CNTN5: variants seen among roughly 807,000 people sequenced by gnomAD.
CNTN5 encodes the protein contactin 5.
CNTN5 carries 77 observed loss-of-function variants against 129.1 expected under a neutral mutation model. The ratio of observed to expected loss-of-function variants is 0.60; its 90% CI spans 0.50 to 0.72. CNTN5 has a LOEUF of 0.72. Ranked by LOEUF, CNTN5 falls within the 30% of genes least tolerant of loss-of-function variation. CNTN5 has a pLI of 0.00. For missense variants in CNTN5, 1,478 were observed against 1,328.8 expected (o/e 1.11, Z -1.75); for synonymous variants, 509 against 465.6 (o/e 1.09, Z -1.20).
intron 3 of CNTN5, among the ~76,000 whole-genome samples, chr11:99,576,255 C>T (rs1219520728): frequency 6.6e-6 from 1 of 152,046 alleles, no homozygotes; most frequent in African/African-American, 2.4e-5. Context: ...GTCTTAATTG[C>T]CAAAACAAGC....
At chr11:100,290,177 C>A (rs551798702) in intron 18 of CNTN5, among the ~76,000 whole-genome samples, 1 of 151,848 alleles carries the variant, frequency 6.6e-6, no homozygotes, top group Admixed American at 6.6e-5. Context: ...AATGGCCATA[C>A]TGCCCAAGGT....
At chr11:99,266,771 G>C (rs1455188591) in intron 1 of CNTN5, among the ~76,000 whole-genome samples, 1 of 151,972 alleles carries the variant, frequency 6.6e-6, no homozygotes, top group Non-Finnish European at 1.5e-5. Flanking sequence ...TTTTAGTATG[G>C]GGGGAGGTGC....
intron 3 of CNTN5, among the ~76,000 whole-genome samples, chr11:99,677,450 C>T (rs1206423208): frequency 6.6e-6 from 1 of 152,092 alleles, no homozygotes; most frequent in Non-Finnish European, 1.5e-5. Context: ...GATTTCTGAA[C>T]CAGCCGGTCA....
intron 3 of CNTN5, among the ~76,000 whole-genome samples, chr11:99,723,564 A>G (rs906048653): frequency 6.6e-6 from 1 of 152,026 alleles, no homozygotes; most frequent in Admixed American, 6.6e-5. Context: ...ACTCTGTTTT[A>G]TTTTTCTCCA....
intron 1 of CNTN5, among the ~76,000 whole-genome samples, chr11:99,246,377 A>G (rs1274927479): frequency 1.3e-5 from 2 of 152,194 alleles, no homozygotes; most frequent in African/African-American, 4.8e-5. Flanking sequence ...ACCCTGGAAA[A>G]TTGGCATACT....
At chr11:99,337,524 C>T (rs1447605020) in intron 2 of CNTN5, among the ~76,000 whole-genome samples, 2 of 152,166 alleles carry the variant, frequency 1.3e-5, no homozygotes, top group African/African-American at 2.4e-5. Context: ...ATTGCTCATA[C>T]GTTTGTTTGC....
At chr11:99,745,449 A>G (rs1944022936) in intron 3 of CNTN5, among the ~76,000 whole-genome samples, 1 of 152,176 alleles carries the variant, frequency 6.6e-6, no homozygotes, top group Admixed American at 6.5e-5. Flanking sequence ...AACTGGGGCT[A>G]AGGATGGAAA....
chr11:99,950,495 A>G (rs1950648567), intron 7 of CNTN5, among the ~76,000 whole-genome samples: 1 of 152,184 alleles, frequency 6.6e-6, no homozygotes, highest in South Asian at 2.1e-4. Context: ...AAAAAAAATA[A>G]AGTAAAAAAT....
In CNTN5 at chr11:100,358,201, G is replaced by A. The variant is rs1379115016; in HGVS notation, c.*1981G>A. 2 of 151,800 alleles carry A rather than the reference G, an allele frequency of 1.3e-5. No individual in the cohort carries two copies. Among genetic ancestry groups the A allele is most frequent in the African/African-American group, 4.8e-5 (2 of 41,390 alleles). The allele number at this position is 151,800 out of a possible 1,614,324, so 9.4% of individuals were successfully genotyped here. A position where few individuals can be genotyped will look rare whatever the true frequency, so the allele number is the denominator to read the frequency against. On this transcript the variant is annotated 3_prime_UTR_variant, in exon 25 of 25. Coordinates refer to ENST00000524871, the MANE Select transcript of CNTN5 (RefSeq NM_014361.4). ...TCAAGCCATTTTCTTCATTTTCCAT[G>A]GTGGTGTACACCAGATTTAGTGAAG...
chr11:99,430,996 C>CTTTT, intron 2 of CNTN5, among the ~76,000 whole-genome samples: 1 of 97,130 alleles, frequency 1.0e-5, no homozygotes, highest in East Asian at 2.5e-4. Context: ...TTTTTCCTGG[C>CTTTT]TGTTTTTTTT....
intron 18 of CNTN5, among the ~76,000 whole-genome samples, chr11:100,274,659 G>T (rs1487791052): frequency 6.6e-6 from 1 of 152,070 alleles, no homozygotes; most frequent in Non-Finnish European, 1.5e-5. Flanking sequence ...AATACAAAAT[G>T]CAATAACATT....
intron 13 of CNTN5, among the ~76,000 whole-genome samples, chr11:100,090,806 G>T (rs951540705): frequency 3.3e-5 from 5 of 151,636 alleles, no homozygotes; most frequent in African/African-American, 7.3e-5. Flanking sequence ...TTTTACCACA[G>T]AAATAAAATC....
intron 13 of CNTN5, among the ~76,000 whole-genome samples, chr11:100,169,776 T>C (rs1370006197): frequency 4.6e-5 from 7 of 152,020 alleles, no homozygotes; most frequent in Non-Finnish European, 7.4e-5. Flanking sequence ...CCATAGTAGC[T>C]GAGATTTAAG....
At chr11:99,959,944 A>C (rs1950898239) in intron 8 of CNTN5, among the ~76,000 whole-genome samples, 2 of 151,904 alleles carry the variant, frequency 1.3e-5, no homozygotes, top group African/African-American at 4.8e-5. Context: ...TTTTAAATCC[A>C]CATTGAATGA....
intron 1 of CNTN5, among the ~76,000 whole-genome samples, chr11:99,106,693 A>C (rs1458749697): frequency 6.6e-6 from 1 of 152,040 alleles, no homozygotes; most frequent in African/African-American, 2.4e-5. Flanking sequence ...CTTATCTTTA[A>C]GTCATTTCAC....
At chr11:99,198,169 C>A (rs1858998330) in intron 1 of CNTN5, among the ~76,000 whole-genome samples, 1 of 152,074 alleles carries the variant, frequency 6.6e-6, no homozygotes, top group South Asian at 2.1e-4. Context: ...AATTTCTTTT[C>A]TGTCTTCCCC....
At chr11:99,590,887 G>A (rs958614830) in intron 3 of CNTN5, among the ~76,000 whole-genome samples, 2 of 152,168 alleles carry the variant, frequency 1.3e-5, no homozygotes, top group Admixed American at 6.5e-5. Context: ...TTCCAAATAT[G>A]TATAGAAATA....
chr11:99,935,939 T>G (rs1488565511), intron 7 of CNTN5, among the ~76,000 whole-genome samples: 1 of 152,172 alleles, frequency 6.6e-6, no homozygotes, highest in Non-Finnish European at 1.5e-5. Context: ...ATGCTGGAAT[T>G]CAGTTCACTT....
chr11:100,041,748 A>T (rs1387089822), intron 9 of CNTN5, among the ~76,000 whole-genome samples: 2 of 152,236 alleles, frequency 1.3e-5, no homozygotes, highest in Non-Finnish European at 2.9e-5. Context: ...TGTTTTAAAA[A>T]ACAATGGTAA....
Sources: allele counts gnomAD v4.1 joint callset (sites outside exome capture counted in the v4.1 genomes callset), GRCh38; gene constraint gnomAD v4.1.1; transcripts MANE v1.5; gene names NCBI Gene and HGNC (gene_info 2026-07-23, HGNC 2026-07-21).